Variants in INVS observed in about 807,000 individuals in gnomAD.
The protein encoded by INVS is inversin.
Under a neutral mutation model 108.8 loss-of-function variants are expected in INVS, and 86 were observed. The observed-to-expected ratio is 0.79, with a 90% CI of 0.66 to 0.95. INVS has a LOEUF of 0.95. INVS is among the 40% of genes least tolerant of loss of function. The pLI is 0.00. For synonymous variants in INVS, 455 were observed against 473.5 expected (o/e 0.96, Z 0.51); for missense variants, 1,169 against 1,297.4 (o/e 0.90, Z 1.52).
chr9:100,135,844 G>T (rs1196126441), intron 3 of INVS, among the ~76,000 whole-genome samples: 2 of 152,000 alleles, frequency 1.3e-5, no homozygotes, highest in Non-Finnish European at 2.9e-5. Flanking sequence ...CTCAGGTATG[G>T]TTTATAGATG....
At chr9:100,166,975 T>TACAC (rs1829383025) in intron 3 of INVS, among the ~76,000 whole-genome samples, 1 of 152,130 alleles carries the variant, frequency 6.6e-6, no homozygotes, top group Non-Finnish European at 1.5e-5. Flanking sequence ...CGCAGTGGCT[T>TACAC]ACACCAGCAC....
intron 3 of INVS, among the ~76,000 whole-genome samples, chr9:100,189,391 T>C (rs1830154359): frequency 1.3e-5 from 2 of 152,010 alleles, no homozygotes; most frequent in South Asian, 4.2e-4. Context: ...AACTTTCCTC[T>C]TACTACTGCT....
chr9:100,211,124 T>C (rs1311719824), intron 3 of INVS, among the ~76,000 whole-genome samples: 1 of 152,056 alleles, frequency 6.6e-6, no homozygotes, highest in African/African-American at 2.4e-5. Context: ...TGCTAGAGTT[T>C]GAGAACTTCT....
chr9:100,156,455 G>A (rs1014867061), intron 3 of INVS, among the ~76,000 whole-genome samples: 1 of 151,694 alleles, frequency 6.6e-6, no homozygotes, highest in African/African-American at 2.4e-5. Flanking sequence ...TAGAGATGGG[G>A]TTTTGCCATG....
chr9:100,257,548 G>A (rs891130298), intron 10 of INVS, among the ~76,000 whole-genome samples: 3 of 152,194 alleles, frequency 2.0e-5, no homozygotes, highest in Non-Finnish European at 4.4e-5. Flanking sequence ...GCTAGTACCA[G>A]TTGTTCCTTT....
At chr9:100,270,725 G>T (rs1421825933) in intron 11 of INVS, among the ~76,000 whole-genome samples, 4 of 129,918 alleles carry the variant, frequency 3.1e-5, no homozygotes, top group African/African-American at 9.4e-5. Flanking sequence ...TCCAGCCTGG[G>T]CAACAAGAGC....
chr9:100,295,417 T>C (rs746602817), intron 14 of INVS, among the ~76,000 whole-genome samples: 1 of 152,200 alleles, frequency 6.6e-6, no homozygotes, highest in African/African-American at 2.4e-5. Flanking sequence ...CTGGTGACAG[T>C]AAACACACTT....
intron 8 of INVS, among the ~76,000 whole-genome samples, chr9:100,247,966 G>T (rs868303080): frequency 1.3e-5 from 2 of 151,926 alleles, no homozygotes; most frequent in Admixed American, 1.3e-4. Context: ...ACGCCACCAC[G>T]CCCAGCTAAT....
chr9:100,298,980 A>G (rs1225595558), intron 16 of INVS, among the ~76,000 whole-genome samples: 1 of 152,248 alleles, frequency 6.6e-6, no homozygotes, highest in Non-Finnish European at 1.5e-5. Context: ...GCATTTAGAC[A>G]ATCAAATACT....
chr9:100,292,192 G>GT, intron 13 of INVS, 134 bp from the exon 14 acceptor site: 3 of 839,970 alleles, frequency 3.6e-6, no homozygotes, highest in African/African-American at 1.7e-5. Context: ...AAGTTAAACC[G>GT]TTTTTTTCCT....
intron 3 of INVS, among the ~76,000 whole-genome samples, chr9:100,222,055 T>C (rs1288412092): frequency 3.9e-5 from 6 of 152,148 alleles, no homozygotes; most frequent in Admixed American, 3.9e-4. Flanking sequence ...TTCTAACTAT[T>C]TTTACTTTTA....
intron 3 of INVS, among the ~76,000 whole-genome samples, chr9:100,128,511 T>C (rs141866853): frequency 2.0e-5 from 3 of 152,212 alleles, no homozygotes; most frequent in African/African-American, 7.2e-5. Flanking sequence ...ATTTGTGCTT[T>C]ATACAAAGCA....
intron 8 of INVS, among the ~76,000 whole-genome samples, chr9:100,247,084 T>TAA (rs76599950): frequency 7.1e-6 from 1 of 141,636 alleles, no homozygotes; most frequent in Admixed American, 7.1e-5. Context: ...TATCTTTTTG[T>TAA]AAAAAAAAAA....
chr9:100,152,902 T>G (rs1052616511), intron 3 of INVS, among the ~76,000 whole-genome samples: 3 of 152,180 alleles, frequency 2.0e-5, no homozygotes, highest in African/African-American at 4.8e-5. Context: ...CATTTTCTTT[T>G]AAGGAATTTG....
At chr9:100,100,690 TTA>T (rs34351574) in intron 1 of INVS, among the ~76,000 whole-genome samples, 4,811 of 8,150 alleles carry the variant, frequency 0.59, 1,381 homozygotes, top group Middle Eastern at 1. Flanking sequence ...AATATATATA[TTA>T]TATATGTACA....
At chr9:100,228,901 C>T (rs1831422375) in intron 4 of INVS, among the ~76,000 whole-genome samples, 1 of 152,298 alleles carries the variant, frequency 6.6e-6, no homozygotes, top group Non-Finnish European at 1.5e-5. Context: ...CTTGAAACTG[C>T]GGATAGTGTC....
chr9:100,255,955 G>T (rs1046933612), intron 10 of INVS, among the ~76,000 whole-genome samples: 11 of 152,054 alleles, frequency 7.2e-5, no homozygotes, highest in Admixed American at 2.6e-4. Context: ...GATTCCCTCT[G>T]TTTCTATTGA....
Position 100,302,070 on chromosome 9 carries a change from G to A in INVS, c.*1396G>A, listed in dbSNP as rs1833991504. The A allele has an allele frequency of 3.4e-6, 2 of 582,250 alleles. No homozygotes were observed. Among genetic ancestry groups the A allele is most frequent in the Non-Finnish European group, 5.8e-6 (2 of 346,318 alleles). 36.1% of individuals were successfully genotyped at this position (582,250 alleles called of 1,614,324 possible). On this transcript the variant is annotated 3_prime_UTR_variant, in exon 17 of 17. Coordinates refer to ENST00000262457, the MANE Select transcript of INVS (RefSeq NM_014425.5). ...ATTTTCATATATCAGTGCAAAGAAA[G>A]AAGGTTCGTAAACTTCTTTAAAAGT...
intron 11 of INVS, among the ~76,000 whole-genome samples, chr9:100,270,954 C>T (rs898389363): frequency 2.6e-5 from 4 of 151,398 alleles, no homozygotes; most frequent in Non-Finnish European, 4.4e-5. Flanking sequence ...AAGAATGTGC[C>T]GAAAACAGCA....
Sources: gnomAD v4.1 joint callset for allele counts (sites outside exome capture counted in the v4.1 genomes callset) on GRCh38, gnomAD v4.1.1 for gene constraint, MANE v1.5 for transcripts, NCBI Gene and HGNC (gene_info 2026-07-23, HGNC 2026-07-21) for gene names.